The following ADGRL3 variants were observed in gnomAD, a reference collection of about 807,000 sequenced individuals.
ADGRL3 encodes calcium-independent alpha-latrotoxin receptor 3.
In ADGRL3, 62 loss-of-function variants were observed where a neutral mutation model predicts 153.5. That is an observed-to-expected ratio of 0.40 (90% CI 0.33 to 0.50). The LOEUF is 0.50. Among genes scored for constraint, ADGRL3 ranks in the 20% least tolerant of loss-of-function variants. The pLI is 0.47. For synonymous variants in ADGRL3, 710 were observed against 672.5 expected, an observed-to-expected ratio of 1.06 and a Z score of -0.86; for missense variants, 1,641 against 1,859.4, an observed-to-expected ratio of 0.88 and a Z score of 2.16.
At chr4:61,577,671 G>T (rs893348521) in intron 4 of ADGRL3, among the ~76,000 whole-genome samples, 3 of 151,748 alleles carry the variant, frequency 2.0e-5, no homozygotes, top group African/African-American at 7.3e-5. Context: ...AAATTAGCCA[G>T]GCATGGTGGC....
chr4:61,976,335 C>T lies in ADGRL3; in HGVS notation c.2806-3228C>T, dbSNP rs561062552. Among the ~76,000 whole-genome samples the T allele has an allele frequency of 6.4e-4, 97 of 152,140 alleles. 1 individual carries two copies. Among genetic ancestry groups the T allele is most frequent in the African/African-American group, 2.1e-3 (88 of 41,506 alleles). On this transcript the variant is annotated intron_variant, in intron 17 of 26. Transcript: ENST00000683033. The stretch of plus-strand genomic sequence containing the variant: ...AGTTTGCTTTTTTCTATGCACAGAC[C>T]GCCTTCCTAGAAGTTCTATTATGGC...
intron 10 of ADGRL3, among the ~76,000 whole-genome samples, chr4:61,895,449 G>C (rs1168441577): frequency 7.0e-6 from 1 of 143,766 alleles, no homozygotes; most frequent in African/African-American, 2.6e-5. Flanking sequence ...CTGGGCAACA[G>C]AACAAGACTC....
At chr4:61,423,683 T>C (rs116271095) in intron 2 of ADGRL3, among the ~76,000 whole-genome samples, 2,715 of 152,220 alleles carry the variant, frequency 0.018, 87 homozygotes, top group African/African-American at 0.062. Flanking sequence ...CTGGGATTAG[T>C]AGGAGAGGGT....
intron 17 of ADGRL3, among the ~76,000 whole-genome samples, chr4:61,972,316 T>C (rs1027960950): frequency 2.9e-4 from 44 of 152,304 alleles, no homozygotes; most frequent in African/African-American, 1.0e-3. Flanking sequence ...CTTTAATCCT[T>C]CTTGAATTAA....
At chr4:61,924,108 T>G (rs544816052) in intron 13 of ADGRL3, among the ~76,000 whole-genome samples, 1 of 152,244 alleles carries the variant, frequency 6.6e-6, no homozygotes, top group South Asian at 2.1e-4. Context: ...TTTGAGGTCA[T>G]TAATGACTTC....
At chr4:61,219,567 T>C (rs1198401350) in intron 1 of ADGRL3, among the ~76,000 whole-genome samples, 1 of 152,214 alleles carries the variant, frequency 6.6e-6, no homozygotes, top group Admixed American at 6.5e-5. Flanking sequence ...GAAAAGAGAA[T>C]AGTACATTTT....
Position 61,273,702 on chromosome 4 carries a change from A to G in ADGRL3, c.-240+71937A>G, listed in dbSNP as rs368373923. ...GCTTCAGATACTTTCAGATTTATCA[A>G]TTCACAGCTGCATTTAATAAAACAT... On this transcript the variant is annotated intron_variant, in intron 1 of 26. Transcript: ENST00000683033. Among the ~76,000 whole-genome samples, 96 of 152,322 alleles carry G rather than the reference A, an allele frequency of 6.3e-4. 1 individual carries two copies. The South Asian group carries it at 0.014, about 23-fold the overall frequency.
intron 2 of ADGRL3, among the ~76,000 whole-genome samples, chr4:61,463,581 A>G (rs2097847898): frequency 6.6e-6 from 1 of 152,204 alleles, no homozygotes; most frequent in Non-Finnish European, 1.5e-5. Context: ...GTGGGGACAT[A>G]GAGCCAAACC....
intron 5 of ADGRL3, among the ~76,000 whole-genome samples, chr4:61,610,034 G>A (rs2099046962): frequency 6.6e-6 from 1 of 151,584 alleles, no homozygotes; most frequent in South Asian, 2.1e-4. Flanking sequence ...GATTATAGTA[G>A]GACACCCAGA....
intron 5 of ADGRL3, among the ~76,000 whole-genome samples, chr4:61,644,808 G>A (rs2093883523): frequency 6.6e-6 from 1 of 152,108 alleles, no homozygotes; most frequent in African/African-American, 2.4e-5. Context: ...TGTCCGCTTG[G>A]TATAGAGCTG....
intron 17 of ADGRL3, among the ~76,000 whole-genome samples, chr4:61,950,038 A>G: frequency 6.6e-6 from 1 of 152,218 alleles, no homozygotes; most frequent in East Asian, 1.9e-4. Context: ...ACAATTCATT[A>G]AAATTTTTCA....
intron 6 of ADGRL3, among the ~76,000 whole-genome samples, chr4:61,704,499 A>G (rs2095822998): frequency 6.6e-6 from 1 of 152,134 alleles, no homozygotes; most frequent in Non-Finnish European, 1.5e-5. Flanking sequence ...GCTAGTCCTA[A>G]TCTTTTTGCT....
chr4:61,273,698 A>T (rs1252949722), intron 1 of ADGRL3, among the ~76,000 whole-genome samples: 1 of 152,174 alleles, frequency 6.6e-6, no homozygotes, highest in African/African-American at 2.4e-5. Context: ...TTTCAGATTT[A>T]TCAATTCACA....
intron 9 of ADGRL3, among the ~76,000 whole-genome samples, chr4:61,868,605 T>TAAAAAAAAAAA (rs1009424336): frequency 3.3e-4 from 50 of 152,334 alleles, no homozygotes; most frequent in South Asian, 1.2e-3. Flanking sequence ...CTGTTGATTA[T>TAAAAAAAAAAA]AATAACAACC....
chr4:61,549,618 G>A (rs2098731150), intron 4 of ADGRL3, among the ~76,000 whole-genome samples: 1 of 150,838 alleles, frequency 6.6e-6, no homozygotes, highest in Non-Finnish European at 1.5e-5. Flanking sequence ...TATTTTTTAT[G>A]TTTTTTTTCT....
chr4:61,715,487 A>T (rs889386624), intron 6 of ADGRL3, among the ~76,000 whole-genome samples: 26 of 152,336 alleles, frequency 1.7e-4, no homozygotes, highest in African/African-American at 5.3e-4. Flanking sequence ...TCTATAAGCA[A>T]CTTGCTTTTT....
intron 1 of ADGRL3, among the ~76,000 whole-genome samples, chr4:61,332,576 TTAATAA>T (rs1578304857): frequency 6.6e-6 from 1 of 152,158 alleles, no homozygotes; most frequent in African/African-American, 2.4e-5. Context: ...TAACAGTGTC[TTAATAA>T]TAATAATTTA....
At chr4:61,649,181 C>T (rs2094155094) in intron 5 of ADGRL3, among the ~76,000 whole-genome samples, 1 of 151,816 alleles carries the variant, frequency 6.6e-6, no homozygotes, top group Non-Finnish European at 1.5e-5. Context: ...ACTAGCACGC[C>T]ATTCCTCTTA....
At chr4:61,386,169 C>T (rs886288625) in intron 2 of ADGRL3, among the ~76,000 whole-genome samples, 14 of 152,154 alleles carry the variant, frequency 9.2e-5, no homozygotes, top group African/African-American at 2.9e-4. Flanking sequence ...GTAGCCCTAA[C>T]GTCAAAATTG....
Sources: gnomAD v4.1 joint callset for allele counts (sites outside exome capture counted in the v4.1 genomes callset) on GRCh38, gnomAD v4.1.1 for gene constraint, MANE v1.5 for transcripts, NCBI Gene and HGNC (gene_info 2026-07-23, HGNC 2026-07-21) for gene names.